POC1B: variants seen among roughly 807,000 people sequenced by gnomAD.
POC1B encodes the protein POC1 centriolar protein homolog B.
In POC1B, 44 loss-of-function variants were observed where a neutral mutation model predicts 60.6. The observed-to-expected ratio is 0.73, with a 90% CI of 0.57 to 0.93. The LOEUF is 0.93. Ranked by LOEUF, POC1B falls within the 40% of genes least tolerant of loss-of-function variation. The pLI is 0.00. For synonymous variants in POC1B, 180 were observed against 198.9 expected (o/e 0.90, Z 0.80); for missense variants, 555 against 572.3 (o/e 0.97, Z 0.31).
intron 10 of POC1B, among the ~76,000 whole-genome samples, chr12:89,449,437 A>G (rs1881944310): frequency 6.6e-6 from 1 of 152,232 alleles, no homozygotes; most frequent in Non-Finnish European, 1.5e-5. Context: ...TTCCACATGT[A>G]TATATACTTT....
intron 11 of POC1B, among the ~76,000 whole-genome samples, chr12:89,423,978 T>C (rs141490158): frequency 3.9e-5 from 6 of 152,256 alleles, no homozygotes; most frequent in Middle Eastern, 3.4e-3. Flanking sequence ...AAATTTGACA[T>C]GAAGGGAAGA....
At chr12:89,480,777 T>G (rs1883302401) in intron 4 of POC1B, among the ~76,000 whole-genome samples, 1 of 152,100 alleles carries the variant, frequency 6.6e-6, no homozygotes. Flanking sequence ...ATTTTTTGTA[T>G]TTTTAGTAGA....
the POC1B span, among the ~76,000 whole-genome samples, chr12:89,412,807 G>GTTCCTTCCTTCC: frequency 0.01 from 1,290 of 127,512 alleles, 41 homozygotes; most frequent in African/African-American, 0.038. Context: ...AGAAACACAT[G>GTTCCTTCCTTCC]TTCCTTCCTT....
intron 9 of POC1B, among the ~76,000 whole-genome samples, chr12:89,464,719 A>C (rs7399300): frequency 0.72 from 107,208 of 149,588 alleles, 38,552 homozygotes; most frequent in Middle Eastern, 0.81. Context: ...AACTCCTGAC[A>C]TCATTAGCCG....
chr12:89,410,316 A>G, the POC1B span, among the ~76,000 whole-genome samples: 1 of 152,354 alleles, frequency 6.6e-6, no homozygotes, highest in South Asian at 2.1e-4. Flanking sequence ...CAAAATAATA[A>G]GAGATATTTA....
chr12:89,525,329 G>C, intron 1 of POC1B, 125 bp from the exon 2 acceptor site: 2 of 1,447,306 alleles, frequency 1.4e-6, no homozygotes, highest in South Asian at 2.9e-5. Flanking sequence ...GGCTTGGCTG[G>C]GCGGCGGGGC....
In POC1B at chr12:89,509,834, T is replaced by C. The variant is rs187412304; in HGVS notation, c.101-12492A>G. On this transcript the variant is annotated intron_variant, in intron 2 of 11. Coordinates refer to ENST00000313546, the MANE Select transcript of POC1B (RefSeq NM_172240.3). ...CCACTGCAAAAACAATCCCACTAAC[T>C]AGAGTTCAGGATTCAATTTTGGTTT... 2.0e-4 allele frequency among the ~76,000 whole-genome samples: 30 copies of C among 152,198 alleles called. No individual in the cohort carries two copies. In the East Asian group the frequency reaches 5.6e-3, roughly 28 times the overall value.
intron 10 of POC1B, among the ~76,000 whole-genome samples, chr12:89,435,021 T>C (rs1286193155): frequency 6.6e-6 from 1 of 152,086 alleles, no homozygotes; most frequent in Non-Finnish European, 1.5e-5. Context: ...TTTTACTGGA[T>C]GAAAAATGAT....
At chr12:89,512,666 G>A (rs542552223) in intron 2 of POC1B, among the ~76,000 whole-genome samples, 41 of 152,288 alleles carry the variant, frequency 2.7e-4, no homozygotes, top group Admixed American at 1.5e-3. Context: ...TGAGGGAGGC[G>A]GGCGGCTGGA....
At chr12:89,499,819 A>G (rs1869453607) in intron 2 of POC1B, among the ~76,000 whole-genome samples, 1 of 152,270 alleles carries the variant, frequency 6.6e-6, no homozygotes, top group Admixed American at 6.5e-5. Flanking sequence ...CTTTTAGAAG[A>G]GAACACAGAA....
intron 4 of POC1B, among the ~76,000 whole-genome samples, chr12:89,476,938 A>G (rs751169704): frequency 1.7e-4 from 26 of 152,206 alleles, no homozygotes; most frequent in Non-Finnish European, 2.4e-4. Flanking sequence ...AGGAACTCTG[A>G]AGCCAACAGC....
intron 4 of POC1B, among the ~76,000 whole-genome samples, chr12:89,478,108 T>G (rs2135725053): frequency 6.6e-6 from 1 of 151,938 alleles, no homozygotes; most frequent in Admixed American, 6.6e-5. Context: ...CATTCATTCA[T>G]TCATTCATTC....
intron 6 of POC1B, 36 bp downstream of exon 6, chr12:89,471,578 T>C (rs762715520): frequency 4.7e-6 from 7 of 1,498,360 alleles, no homozygotes; most frequent in Admixed American, 3.4e-5. Flanking sequence ...AAGGAGTCCA[T>C]TCGGTAACTG....
At chr12:89,472,490 A>G (rs1882938442) in intron 4 of POC1B, 3 of 401,166 alleles carry the variant, frequency 7.5e-6, no homozygotes, top group Admixed American at 4.8e-5. Context: ...ATGTAGACTA[A>G]CCAAGTTGCT....
intron 2 of POC1B, among the ~76,000 whole-genome samples, chr12:89,509,956 G>C (rs1870096028): frequency 1.3e-5 from 2 of 152,100 alleles, no homozygotes; most frequent in East Asian, 1.9e-4. Flanking sequence ...AGTGATTCTT[G>C]TGCCTCAGCC....
chr12:89,449,729 CATTATAT>C (rs1881962628), intron 10 of POC1B, among the ~76,000 whole-genome samples: 1 of 151,972 alleles, frequency 6.6e-6, no homozygotes, highest in Non-Finnish European at 1.5e-5. Context: ...AAAAACTGTA[CATTATAT>C]AATATTTTAA....
intron 10 of POC1B, among the ~76,000 whole-genome samples, chr12:89,449,886 G>T (rs1256024380): frequency 6.6e-6 from 1 of 152,096 alleles, no homozygotes; most frequent in Non-Finnish European, 1.5e-5. Flanking sequence ...AAGTTCATAT[G>T]AATTTAATGT....
intron 10 of POC1B, among the ~76,000 whole-genome samples, chr12:89,430,364 G>A (rs1880979622): frequency 6.6e-6 from 1 of 152,110 alleles, no homozygotes; most frequent in African/African-American, 2.4e-5. Context: ...TATTTTTGAG[G>A]ATGAATTATT....
chr12:89,495,704 T>C (rs757190543), intron 3 of POC1B, among the ~76,000 whole-genome samples: 13 of 152,200 alleles, frequency 8.5e-5, no homozygotes, highest in Non-Finnish European at 1.6e-4. Context: ...GAAGGATGGA[T>C]GATTTTGGGA....
Sources: gnomAD v4.1 joint callset for allele counts (sites outside exome capture counted in the v4.1 genomes callset) on GRCh38, gnomAD v4.1.1 for gene constraint, MANE v1.5 for transcripts, NCBI Gene and HGNC (gene_info 2026-07-23, HGNC 2026-07-21) for gene names.